MDGA2: variants seen among roughly 807,000 people sequenced by gnomAD.
MDGA2 encodes MAM domain-containing glycosylphosphatidylinositol anchor protein 2.
In MDGA2, 40 loss-of-function variants were observed where a neutral mutation model predicts 117.8. The observed-to-expected ratio is 0.34, with a 90% CI of 0.26 to 0.44. The LOEUF (loss-of-function observed/expected upper bound fraction) is 0.44. Among genes scored for constraint, MDGA2 ranks in the 20% least tolerant of loss-of-function variants. The probability of loss-of-function intolerance (pLI) is 1.00; values close to 1 mark genes in which losing one functional copy is unlikely to be tolerated. For synonymous variants in MDGA2, 452 were observed against 439.0 expected (o/e 1.03, Z -0.37); for missense variants, 1,123 against 1,250.6 (o/e 0.90, Z 1.54).
rs1229599008 is a variant in MDGA2, at chr14:47,675,196, G to T, written c.-400C>A. Reference sequence around the variant, plus strand: ...GGGCGTCAAGCGGCGACAGCGGCCCGCCCGCCCGCAGTCCGAAGCCCCCAG... The same window carrying T: ...GGGCGTCAAGCGGCGACAGCGGCCCTCCCGCCCGCAGTCCGAAGCCCCCAG... On this transcript the variant is annotated 5_prime_UTR_variant, in exon 1 of 17. Transcript: ENST00000399232. Among the ~76,000 whole-genome samples, 1 of 152,064 alleles carries T rather than the reference G, an allele frequency of 6.6e-6. No homozygotes were observed. The highest frequency in any genetic ancestry group is 1.5e-5 in the Non-Finnish European group (1 of 67,994).
intron 5 of MDGA2, among the ~76,000 whole-genome samples, chr14:47,108,145 G>A (rs1198430666): frequency 3.9e-5 from 6 of 151,912 alleles, no homozygotes; most frequent in African/African-American, 1.5e-4. Context: ...ACTTAAAAAG[G>A]ACTGGACAAT....
chr14:46,871,601 T>C (rs1882001440), intron 14 of MDGA2: 1 of 153,012 alleles, frequency 6.5e-6, no homozygotes. Flanking sequence ...ATTGCTATTA[T>C]TATTGCTATT....
chr14:46,930,772 C>G (rs779390402), intron 9 of MDGA2, among the ~76,000 whole-genome samples: 1 of 152,098 alleles, frequency 6.6e-6, no homozygotes, highest in Non-Finnish European at 1.5e-5. Context: ...TTTTATCACC[C>G]TTTCAATAGT....
intron 1 of MDGA2, among the ~76,000 whole-genome samples, chr14:47,540,540 G>GTGTATATA: frequency 1.3e-5 from 1 of 79,218 alleles, no homozygotes; most frequent in East Asian, 4.9e-4. Flanking sequence ...GTGTGTGTGT[G>GTGTATATA]TATATATATA....
chr14:47,180,232 C>A (rs72680227), intron 3 of MDGA2, among the ~76,000 whole-genome samples: 11,460 of 152,084 alleles, frequency 0.075, 479 homozygotes, highest in African/African-American at 0.09. Context: ...CCCCTCTAAG[C>A]ATCCATGTGT....
At chr14:47,144,943 TAGACC>T (rs1882880366) in intron 3 of MDGA2, among the ~76,000 whole-genome samples, 1 of 151,466 alleles carries the variant, frequency 6.6e-6, no homozygotes, top group African/African-American at 2.4e-5. Context: ...ACTACTATAC[TAGACC>T]TCTTTGTCTT....
chr14:47,351,256 A>G (rs1890874676), intron 1 of MDGA2, among the ~76,000 whole-genome samples: 1 of 151,494 alleles, frequency 6.6e-6, no homozygotes, highest in African/African-American at 2.4e-5. Context: ...TAATTTTTAT[A>G]TTTTTAGTAG....
At chr14:47,263,135 G>A (rs17118260) in intron 2 of MDGA2, among the ~76,000 whole-genome samples, 4,443 of 152,002 alleles carry the variant, frequency 0.029, 220 homozygotes, top group African/African-American at 0.1. Context: ...GGTGACATCC[G>A]GCTTCTAAGA....
intron 5 of MDGA2, among the ~76,000 whole-genome samples, chr14:47,107,268 T>C (rs1460818180): frequency 6.6e-6 from 1 of 152,040 alleles, no homozygotes; most frequent in Non-Finnish European, 1.5e-5. Flanking sequence ...CTCCTTACAG[T>C]TCCCCCATTT....
At chr14:47,379,340 A>G (rs555888750) in intron 1 of MDGA2, among the ~76,000 whole-genome samples, 1 of 152,342 alleles carries the variant, frequency 6.6e-6, no homozygotes, top group East Asian at 1.9e-4. Flanking sequence ...TTAACGTCAT[A>G]ATGACAGGAT....
At chr14:47,377,968 C>T (rs563197451) in intron 1 of MDGA2, among the ~76,000 whole-genome samples, 1 of 152,166 alleles carries the variant, frequency 6.6e-6, no homozygotes, top group African/African-American at 2.4e-5. Context: ...CCAGTAGGGG[C>T]CAACTGACAT....
rs540974914 is a variant in MDGA2 at position 47,261,026 on chromosome 14, G to A, written c.420+40385C>T. Among the ~76,000 whole-genome samples the A allele has an allele frequency of 2.2e-4, 34 of 152,148 alleles. No homozygotes were observed. In the South Asian group the frequency reaches 6.6e-3, roughly 30 times the overall value. On this transcript the variant is annotated intron_variant, in intron 2 of 16. Transcript: ENST00000399232. ...TAATATGGACAAGAATGGCATAAAA[G>A]TTGAGCAAAAGCAAATTACCTCAAT...
intron 10 of MDGA2, among the ~76,000 whole-genome samples, chr14:46,910,850 G>A (rs992237959): frequency 6.6e-5 from 10 of 152,256 alleles, no homozygotes; most frequent in Admixed American, 2.6e-4. Context: ...GCGGGGACAC[G>A]GATGGAGCTG....
At chr14:47,628,699 A>T (rs1382696569) in intron 1 of MDGA2, among the ~76,000 whole-genome samples, 1 of 152,110 alleles carries the variant, frequency 6.6e-6, no homozygotes, top group Non-Finnish European at 1.5e-5. Context: ...CTTACATCTC[A>T]AGGGGAAATA....
chr14:47,361,439 G>A (rs1488382068), intron 1 of MDGA2, among the ~76,000 whole-genome samples: 2 of 152,068 alleles, frequency 1.3e-5, no homozygotes, highest in African/African-American at 4.8e-5. Flanking sequence ...CCAGTCTGTG[G>A]TATTTTGTCG....
intron 7 of MDGA2, among the ~76,000 whole-genome samples, chr14:47,056,282 T>C (rs1356354145): frequency 2.0e-5 from 3 of 152,154 alleles, no homozygotes; most frequent in Admixed American, 1.3e-4. Context: ...TCCTGTGTTA[T>C]CAACAACTTT....
At chr14:47,436,952 G>A (rs1266712083) in intron 1 of MDGA2, among the ~76,000 whole-genome samples, 1 of 152,098 alleles carries the variant, frequency 6.6e-6, no homozygotes, top group Admixed American at 6.6e-5. Flanking sequence ...TTGTATGCAC[G>A]TATACCTACC....
chr14:47,027,626 AT>A (rs887905316), intron 8 of MDGA2, among the ~76,000 whole-genome samples: 1 of 65,054 alleles, frequency 1.5e-5, no homozygotes. Context: ...GATATTATAT[AT>A]TATATATATA....
At chr14:47,293,840 A>T (rs1010397025) in intron 2 of MDGA2, among the ~76,000 whole-genome samples, 9 of 152,200 alleles carry the variant, frequency 5.9e-5, no homozygotes, top group Admixed American at 6.5e-5. Flanking sequence ...ATGCTGATAC[A>T]CTGAGAGTAA....
Sources: gnomAD v4.1 joint callset for allele counts (sites outside exome capture counted in the v4.1 genomes callset) on GRCh38, gnomAD v4.1.1 for gene constraint, MANE v1.5 for transcripts, NCBI Gene and HGNC (gene_info 2026-07-23, HGNC 2026-07-21) for gene names.